IGSF10: variants seen among roughly 807,000 people sequenced by gnomAD.
IGSF10 encodes the protein calvaria mechanical force protein 608.
A neutral mutation model predicts 128.2 loss-of-function variants in IGSF10; 126 were observed. The observed-to-expected ratio is 0.98, with a 90% CI of 0.85 to 1.14. The LOEUF is 1.14. Among genes scored for constraint, IGSF10 ranks in the 50% most tolerant of loss-of-function variants. The pLI, the probability that IGSF10 is intolerant of heterozygous loss-of-function variation, is 0.00. For synonymous variants in IGSF10, 1,185 were observed against 1,146.2 expected, an observed-to-expected ratio of 1.03 and a Z score of -0.68; for missense variants, 3,295 against 3,149.8, an observed-to-expected ratio of 1.05 and a Z score of -1.10.
chr3:151,547,583 C>G, the IGSF10 span, among the ~76,000 whole-genome samples: 1 of 152,054 alleles, frequency 6.6e-6, no homozygotes, highest in Non-Finnish European at 1.5e-5. Flanking sequence ...GCTTACTGTA[C>G]CTGGTGCATA....
At chr3:151,496,341 T>C in the IGSF10 span, among the ~76,000 whole-genome samples, 2 of 143,362 alleles carry the variant, frequency 1.4e-5, no homozygotes, top group Admixed American at 7.0e-5. Context: ...AATGCTATCC[T>C]TCCCCCCTCC....
the IGSF10 span, among the ~76,000 whole-genome samples, chr3:151,608,364 A>G: frequency 2.2e-3 from 330 of 152,322 alleles, no homozygotes; most frequent in African/African-American, 7.2e-3. Context: ...TTTGCATGGA[A>G]CTGAGTTTGC....
At chr3:151,434,782 A>C (rs914912982), downstream of IGSF10, 2 of 152,218 alleles carry the variant, frequency 1.3e-5, no homozygotes, top group African/African-American at 4.8e-5. Context: ...AACAACAGTA[A>C]TACTGTTTTA....
chr3:151,533,923 T>C, the IGSF10 span, among the ~76,000 whole-genome samples: 2 of 152,096 alleles, frequency 1.3e-5, no homozygotes, highest in Non-Finnish European at 2.9e-5. Context: ...AGGGCTAATA[T>C]CCAGAATCTA....
downstream of IGSF10, chr3:151,435,702 G>A (rs1720083139): frequency 6.6e-6 from 1 of 152,126 alleles, no homozygotes; most frequent in African/African-American, 2.4e-5. Flanking sequence ...ATTTAGATAA[G>A]ATCAATCATT....
At chr3:151,600,489 A>G in the IGSF10 span, among the ~76,000 whole-genome samples, 68 of 152,298 alleles carry the variant, frequency 4.5e-4, no homozygotes, top group Non-Finnish European at 6.8e-4. Context: ...AGTTACTTTC[A>G]TATCACTTTC....
the IGSF10 span, among the ~76,000 whole-genome samples, chr3:151,600,978 A>G: frequency 6.6e-6 from 1 of 151,952 alleles, no homozygotes; most frequent in Non-Finnish European, 1.5e-5. Context: ...ACAATTCTTG[A>G]AAGTATTATG....
upstream of IGSF10, among the ~76,000 whole-genome samples, chr3:151,461,781 A>G (rs767569722): frequency 2.0e-5 from 3 of 152,168 alleles, no homozygotes; most frequent in Non-Finnish European, 4.4e-5. Flanking sequence ...TCTCTGTATA[A>G]TCGACCTTTT....
the IGSF10 span, among the ~76,000 whole-genome samples, chr3:151,605,606 A>G: frequency 6.6e-6 from 1 of 152,180 alleles, no homozygotes; most frequent in African/African-American, 2.4e-5. Context: ...TCTAAATTTG[A>G]TTTTCAAAAA....
the IGSF10 span, among the ~76,000 whole-genome samples, chr3:151,536,344 C>T: frequency 6.6e-6 from 1 of 152,112 alleles, no homozygotes; most frequent in African/African-American, 2.4e-5. Flanking sequence ...GAGAGGGTGA[C>T]CCTCAGTCTG....
At chr3:151,439,921 C>T (rs1358368169) in intron 7 of IGSF10, among the ~76,000 whole-genome samples, 1 of 152,208 alleles carries the variant, frequency 6.6e-6, no homozygotes, top group African/African-American at 2.4e-5. Flanking sequence ...TTTTGGGCAA[C>T]ATGGGCTAAG....
chr3:151,465,610 C>T (rs1439857518), upstream of IGSF10, among the ~76,000 whole-genome samples: 1 of 152,138 alleles, frequency 6.6e-6, no homozygotes, highest in Non-Finnish European at 1.5e-5. Context: ...AATACGGCAG[C>T]TTGTATTTTC....
the IGSF10 span, among the ~76,000 whole-genome samples, chr3:151,503,765 T>G: frequency 6.6e-6 from 1 of 152,064 alleles, no homozygotes; most frequent in Non-Finnish European, 1.5e-5. Context: ...CCTCAAAAAT[T>G]GGGAGACTGG....
downstream of IGSF10, chr3:151,433,091 GCTT>G (rs941320769): frequency 6.8e-6 from 2 of 293,838 alleles, no homozygotes; most frequent in African/African-American, 4.4e-5. Flanking sequence ...TGAAATTGGT[GCTT>G]TTTTTGAATC....
At chr3:151,523,208 G>A in the IGSF10 span, among the ~76,000 whole-genome samples, 5 of 152,100 alleles carry the variant, frequency 3.3e-5, no homozygotes, top group African/African-American at 9.7e-5. Flanking sequence ...TCATGGATAG[G>A]AAGCACCAAT....
At chr3:151,548,635 A>G in the IGSF10 span, among the ~76,000 whole-genome samples, 3 of 152,230 alleles carry the variant, frequency 2.0e-5, no homozygotes, top group South Asian at 2.1e-4. Flanking sequence ...TGGCTATTTC[A>G]CTCATTGTAA....
At chr3:151,456,690 A>G (rs1313719552) in intron 4 of IGSF10, among the ~76,000 whole-genome samples, 1 of 152,208 alleles carries the variant, frequency 6.6e-6, no homozygotes, top group African/African-American at 2.4e-5. Flanking sequence ...TTATCTGTCT[A>G]AGATAGTCAT....
At position 151,458,110 on chromosome 3, in the gene IGSF10, C is replaced by CAT. The variant is rs143716078; in HGVS notation, c.194+404_194+405dup. Among the ~76,000 whole-genome samples, 1,419 of 149,986 alleles carry CAT rather than the reference C, an allele frequency of 9.5e-3. 19 individuals carry two copies. Among genetic ancestry groups the CAT allele is most frequent in the African/African-American group, 0.03 (1,239 of 40,834 alleles). On this transcript the variant is annotated intron_variant, in intron 3 of 7. Transcript: ENST00000282466. ...AACCAAAGGGCCTATAAAAAGGATACATATATATATATATGTATGTATGTG... is the reference window on the plus strand; with the variant it reads ...AACCAAAGGGCCTATAAAAAGGATACATATATATATATATATGTATGTATGTG...
the IGSF10 span, among the ~76,000 whole-genome samples, chr3:151,538,299 A>C: frequency 6.6e-6 from 1 of 152,184 alleles, no homozygotes; most frequent in African/African-American, 2.4e-5. Context: ...TTATTGCTTA[A>C]TATATTTCTT....
Sources: allele counts gnomAD v4.1 joint callset (sites outside exome capture counted in the v4.1 genomes callset), GRCh38; gene constraint gnomAD v4.1.1; transcripts MANE v1.5; gene names NCBI Gene and HGNC (gene_info 2026-07-23, HGNC 2026-07-21).